DPP10: variants seen among roughly 807,000 people sequenced by gnomAD.
DPP10 encodes dipeptidyl peptidase like 10.
Under a neutral mutation model 120.9 loss-of-function variants are expected in DPP10, and 33 were observed. That is an observed-to-expected ratio of 0.27 (90% CI 0.21 to 0.37). DPP10 has a LOEUF of 0.37. Ranked by LOEUF, DPP10 falls within the 10% of genes least tolerant of loss-of-function variation. DPP10 has a pLI of 1.00. For synonymous variants in DPP10, 337 were observed against 326.1 expected, an observed-to-expected ratio of 1.03 and a Z score of -0.36; for missense variants, 816 against 942.8, an observed-to-expected ratio of 0.87 and a Z score of 1.76.
chr2:114,827,124 G>A (rs954651604), intron 1 of DPP10, among the ~76,000 whole-genome samples: 2 of 152,032 alleles, frequency 1.3e-5, no homozygotes, highest in Non-Finnish European at 2.9e-5. Context: ...GGGGAGAAAA[G>A]GATGTTAAGT....
intron 1 of DPP10, among the ~76,000 whole-genome samples, chr2:114,571,817 T>C (rs1234922937): frequency 6.7e-6 from 1 of 148,936 alleles, no homozygotes; most frequent in East Asian, 1.9e-4. Context: ...ATATTGTGTA[T>C]ATATTCTGTA....
At chr2:114,555,562 A>G (rs1688221305) in intron 1 of DPP10, among the ~76,000 whole-genome samples, 1 of 152,234 alleles carries the variant, frequency 6.6e-6, no homozygotes, top group Non-Finnish European at 1.5e-5. Flanking sequence ...CATTCATTCA[A>G]CAGAGATAAT....
intron 1 of DPP10, among the ~76,000 whole-genome samples, chr2:115,269,072 G>A (rs1042612216): frequency 6.6e-6 from 1 of 152,172 alleles, no homozygotes; most frequent in Admixed American, 6.5e-5. Context: ...ACTTGAACCC[G>A]GGAGGCAGAG....
At chr2:114,736,033 A>G (rs1677394459) in intron 1 of DPP10, among the ~76,000 whole-genome samples, 1 of 152,082 alleles carries the variant, frequency 6.6e-6, no homozygotes, top group Non-Finnish European at 1.5e-5. Flanking sequence ...GAAGAAATAA[A>G]TATACAAGTA....
intron 1 of DPP10, among the ~76,000 whole-genome samples, chr2:114,712,118 G>C (rs541911047): frequency 6.6e-6 from 1 of 152,082 alleles, no homozygotes; most frequent in Non-Finnish European, 1.5e-5. Context: ...TCAGGAGTTC[G>C]ATAACAGCCT....
chr2:114,764,830 T>C (rs1441684392), intron 1 of DPP10, among the ~76,000 whole-genome samples: 1 of 152,190 alleles, frequency 6.6e-6, no homozygotes, highest in Non-Finnish European at 1.5e-5. Flanking sequence ...TTGGCTTAAA[T>C]TTGCAATTTA....
At chr2:115,334,352 TTC>T (rs899358496) in intron 2 of DPP10, among the ~76,000 whole-genome samples, 1 of 151,022 alleles carries the variant, frequency 6.6e-6, no homozygotes, top group Non-Finnish European at 1.5e-5. Flanking sequence ...GCAAAGGTGA[TTC>T]CCTGGAACTG....
intron 5 of DPP10, among the ~76,000 whole-genome samples, chr2:115,542,763 A>C (rs548930512): frequency 6.6e-6 from 1 of 151,938 alleles, no homozygotes; most frequent in East Asian, 1.9e-4. Flanking sequence ...GTTTGTGGTA[A>C]CTGCAGTAAC....
intron 5 of DPP10, among the ~76,000 whole-genome samples, chr2:115,593,697 A>G (rs934763376): frequency 6.6e-6 from 1 of 152,196 alleles, no homozygotes; most frequent in African/African-American, 2.4e-5. Flanking sequence ...TAATAGGTAT[A>G]TGACTGTCTC....
chr2:115,377,072 T>C (rs1032091619), intron 3 of DPP10, among the ~76,000 whole-genome samples: 13 of 151,748 alleles, frequency 8.6e-5, no homozygotes, highest in Admixed American at 4.6e-4. Flanking sequence ...TACCCAGTAA[T>C]GGGATTGCTG....
At chr2:114,568,250 CAG>C (rs1689363071) in intron 1 of DPP10, among the ~76,000 whole-genome samples, 1 of 151,944 alleles carries the variant, frequency 6.6e-6, no homozygotes, top group African/African-American at 2.4e-5. Context: ...ATGATCAAGT[CAG>C]GGTATTTGGG....
At chr2:115,209,952 G>A (rs909428106) in intron 1 of DPP10, among the ~76,000 whole-genome samples, 1 of 152,144 alleles carries the variant, frequency 6.6e-6, no homozygotes, top group Non-Finnish European at 1.5e-5. Context: ...CTTTGAGGTG[G>A]AGGATTGTTT....
At chr2:115,337,019 G>A (rs1304054525) in intron 2 of DPP10, among the ~76,000 whole-genome samples, 3 of 151,930 alleles carry the variant, frequency 2.0e-5, no homozygotes. Flanking sequence ...AAATTACGTT[G>A]CAATGTGAGT....
chr2:114,554,745 A>T (rs1398547797), intron 1 of DPP10, among the ~76,000 whole-genome samples: 1 of 152,172 alleles, frequency 6.6e-6, no homozygotes, highest in Non-Finnish European at 1.5e-5. Flanking sequence ...GCCCCTTCCA[A>T]TTACTTTGAC....
chr2:114,986,020 G>A (rs1360782339), intron 1 of DPP10, among the ~76,000 whole-genome samples: 3 of 152,072 alleles, frequency 2.0e-5, no homozygotes, highest in African/African-American at 7.2e-5. Context: ...TTTGTGATGC[G>A]GCAGTCAATT....
chr2:115,351,345 G>A (rs1350083198), intron 3 of DPP10, among the ~76,000 whole-genome samples: 1 of 151,964 alleles, frequency 6.6e-6, no homozygotes, highest in Non-Finnish European at 1.5e-5. Context: ...GTAACGATAG[G>A]AACAACAGGC....
At chr2:115,262,505 A>T (rs1352617370) in intron 1 of DPP10, among the ~76,000 whole-genome samples, 1 of 152,154 alleles carries the variant, frequency 6.6e-6, no homozygotes, top group Non-Finnish European at 1.5e-5. Flanking sequence ...ATAGAAATCT[A>T]AAGCAAATAT....
intron 1 of DPP10, among the ~76,000 whole-genome samples, chr2:115,284,359 T>G (rs1370871125): frequency 6.6e-6 from 1 of 151,998 alleles, no homozygotes; most frequent in Non-Finnish European, 1.5e-5. Context: ...GCTCATCCAC[T>G]TATAAATAAT....
chr2:114,798,823 A>G (rs888307929), intron 1 of DPP10, among the ~76,000 whole-genome samples: 1 of 152,238 alleles, frequency 6.6e-6, no homozygotes, highest in Non-Finnish European at 1.5e-5. Flanking sequence ...AATTTACAAA[A>G]AAATAAAAAA....
Sources: allele counts gnomAD v4.1 joint callset (sites outside exome capture counted in the v4.1 genomes callset), GRCh38; gene constraint gnomAD v4.1.1; transcripts MANE v1.5; gene names NCBI Gene and HGNC (gene_info 2026-07-23, HGNC 2026-07-21).